The following METTL4 variants were observed in gnomAD, a reference collection of about 807,000 sequenced individuals.
METTL4 encodes methyltransferase 4, N6-adenosine, also known as N(6)-adenine-specific methyltransferase METTL4.
METTL4 carries 40 observed loss-of-function variants against 54.0 expected under a neutral mutation model. The observed-to-expected ratio is 0.74, with a 90% confidence interval of 0.58 to 0.96. METTL4 has a LOEUF of 0.96. METTL4 is among the 50% of genes least tolerant of loss of function. The probability of loss-of-function intolerance (pLI) is 0.00; values close to 1 mark genes in which losing one functional copy is unlikely to be tolerated. For missense variants in METTL4, 525 were observed against 549.0 expected (o/e 0.96, Z 0.44); for synonymous variants, 169 against 183.8 (o/e 0.92, Z 0.65).
At chr18:2,547,666 C>T (rs1567960599) in intron 5 of METTL4, 137 bp from the exon 6 acceptor site, 2 of 582,142 alleles carry the variant, frequency 3.4e-6, no homozygotes, top group South Asian at 8.1e-5. Flanking sequence ...AAATATAAAG[C>T]CACAGTGACA....
chr18:2,551,155 C>G (rs934560744), intron 5 of METTL4, among the ~76,000 whole-genome samples: 4 of 127,916 alleles, frequency 3.1e-5, no homozygotes, highest in African/African-American at 1.2e-4. Flanking sequence ...CAGAACGAGA[C>G]TCCGTCTCAA....
At chr18:2,557,087 AG>A (rs1229741922) in intron 3 of METTL4, among the ~76,000 whole-genome samples, 2 of 152,134 alleles carry the variant, frequency 1.3e-5, no homozygotes, top group African/African-American at 2.4e-5. Flanking sequence ...GGCCATAGAA[AG>A]GAAGAATCTG....
rs762058901 is a variant in METTL4 at position 2,554,731 on chromosome 18, A to G, written c.767T>C (p.Leu256Pro). 1.9e-6 allele frequency: 3 copies of G among 1,610,766 alleles called. No homozygotes were observed. In the South Asian group the frequency reaches 3.3e-5, roughly 18 times the overall value. Reference protein sequence around the residue: ...KVITLMGQKYLLPPKSSFLLS... With the variant: ...KVITLMGQKYPLPPKSSFLLS... The stretch of plus-strand genomic sequence containing the variant: ...AAGAAAACTGCTTTTCGGTGGTAGC[A>G]GGTATTTCTGTCCCATTAAAGTAAT... The change falls in exon 4 of 9, where the codon CTG becomes CCG. Residue 256 changes from leucine to proline, a missense_variant. Transcript: ENST00000574538.
intron 1 of METTL4, among the ~76,000 whole-genome samples, chr18:2,568,217 T>TA (rs1192188603): frequency 6.6e-6 from 1 of 152,270 alleles, no homozygotes; most frequent in African/African-American, 2.4e-5. Context: ...ACCGCCCCTG[T>TA]AGCCTTACTG....
At chr18:2,543,852 C>T (rs1199045649) in intron 8 of METTL4, among the ~76,000 whole-genome samples, 1 of 152,148 alleles carries the variant, frequency 6.6e-6, no homozygotes, top group Non-Finnish European at 1.5e-5. Context: ...TTAGAACAAG[C>T]AAGGGATACA....
In METTL4 at chr18:2,567,447, C is replaced by T. The variant is rs1384993232; in HGVS notation, c.-231G>A. On this transcript the variant is annotated 5_prime_UTR_variant, in exon 2 of 9. Transcript: ENST00000574538. ...ATTGCAATGTTTTAATATAAACTTTCTTTTTAATTTCAGAGTTGATAATTC... is the reference window on the plus strand; with the variant it reads ...ATTGCAATGTTTTAATATAAACTTTTTTTTTAATTTCAGAGTTGATAATTC... The T allele has an allele frequency of 3.0e-6, 1 of 338,654 alleles. No individual in the cohort carries two copies. The highest frequency in any genetic ancestry group is 5.2e-6 in the Non-Finnish European group (1 of 191,532). The allele number at this position is 338,654 out of a possible 1,614,324, so 21.0% of individuals were successfully genotyped here. A position where few individuals can be genotyped will look rare whatever the true frequency, so the allele number is the denominator to read the frequency against.
At chr18:2,546,406 C>CA (rs1027979116) in intron 6 of METTL4, among the ~76,000 whole-genome samples, 3 of 151,604 alleles carry the variant, frequency 2.0e-5, no homozygotes, top group Non-Finnish European at 4.4e-5. Flanking sequence ...TGTATGTATA[C>CA]AAAAAAAATT....
intron 8 of METTL4, chr18:2,540,348 T>C (rs549698047): frequency 1.0e-6 from 1 of 981,188 alleles, no homozygotes; most frequent in East Asian, 1.1e-4. Context: ...ATAATTGCTA[T>C]GTAAGATTGC....
At chr18:2,550,602 T>A (rs7235945) in intron 5 of METTL4, among the ~76,000 whole-genome samples, 154 of 152,330 alleles carry the variant, frequency 1.0e-3, no homozygotes, top group African/African-American at 3.6e-3. Context: ...TAAAACCAAC[T>A]GCAAGTTAAG....
chr18:2,552,863 C>T (rs2072183862), intron 4 of METTL4, 99 bp from the exon 5 acceptor site: 28 of 724,708 alleles, frequency 3.9e-5, no homozygotes, highest in Non-Finnish European at 5.0e-5. Context: ...ACTACGGACA[C>T]GAATATAATG....
chr18:2,550,804 A>T (rs1054853390), intron 5 of METTL4, among the ~76,000 whole-genome samples: 1 of 152,252 alleles, frequency 6.6e-6, no homozygotes, highest in East Asian at 1.9e-4. Flanking sequence ...ATTTGCTACA[A>T]AGGACATTCC....
At chr18:2,570,634 G>A (rs1418013923) in intron 1 of METTL4, among the ~76,000 whole-genome samples, 2 of 151,986 alleles carry the variant, frequency 1.3e-5, no homozygotes, top group Non-Finnish European at 2.9e-5. Context: ...ATAATCCTTG[G>A]TTCCTCCCCA....
intron 5 of METTL4, among the ~76,000 whole-genome samples, chr18:2,548,272 T>C (rs2072101991): frequency 6.6e-6 from 1 of 152,122 alleles, no homozygotes; most frequent in Non-Finnish European, 1.5e-5. Context: ...CTCAATCAAA[T>C]GAATATGGCC....
rs2072359155 is a variant in METTL4 at position 2,563,783 on chromosome 18, C to T, written c.459+14G>A. The T allele has an allele frequency of 6.3e-7, 1 of 1,575,248 alleles. No homozygotes were observed. Among genetic ancestry groups the T allele is most frequent in the East Asian group, 2.3e-5 (1 of 43,852 alleles). On this transcript the variant is annotated intron_variant, in intron 3 of 8. Coordinates refer to ENST00000574538, the MANE Select transcript of METTL4 (RefSeq NM_022840.5). ...TTAATCTTCCAATGTGATCAATGAACATTTTACACTTACCTTTGTATGGTA... is the reference window on the plus strand; with the variant it reads ...TTAATCTTCCAATGTGATCAATGAATATTTTACACTTACCTTTGTATGGTA...
intron 8 of METTL4, chr18:2,540,257 G>A (rs937754742): frequency 1.0e-6 from 1 of 984,510 alleles, no homozygotes; most frequent in African/African-American, 1.7e-5. Context: ...CATGCTGCTG[G>A]TTAGCTATGC....
rs151296793 is a variant in METTL4 at position 2,558,843 on chromosome 18, T to C, written c.460-3805A>G. On this transcript the variant is annotated intron_variant, in intron 3 of 8. Coordinates refer to ENST00000574538, the MANE Select transcript of METTL4 (RefSeq NM_022840.5). ...CAAACAGACATTTCTCTCAAGAAAA[T>C]ATACAAATGGCCAACAAGCACATAA... is the stretch of plus-strand genomic sequence containing the variant. Among the ~76,000 whole-genome samples the C allele has an allele frequency of 1.1e-4, 16 of 151,834 alleles. No individual in the cohort carries two copies. In the East Asian group the frequency reaches 3.1e-3, roughly 29 times the overall value.
intron 5 of METTL4, among the ~76,000 whole-genome samples, chr18:2,549,819 T>TAAAAAAA (rs397758263): frequency 0.013 from 1,040 of 79,012 alleles, 21 homozygotes; most frequent in Non-Finnish European, 0.017. Context: ...CCATCTCTAC[T>TAAAAAAA]AAAAAAAAAA....
chr18:2,551,461 G>A (rs1444399143), intron 5 of METTL4, among the ~76,000 whole-genome samples: 1 of 152,136 alleles, frequency 6.6e-6, no homozygotes, highest in African/African-American at 2.4e-5. Context: ...TCAGCACTAT[G>A]GAGGCTGAGG....
rs1313049250 is a variant in METTL4 at position 2,571,411 on chromosome 18, G to C, written c.-701C>G. 1 of 152,252 alleles carries C rather than the reference G, an allele frequency of 6.6e-6. No homozygotes were observed. The allele number at this position is 152,252 out of a possible 1,614,324, so 9.4% of individuals were successfully genotyped here. On this transcript the variant is annotated 5_prime_UTR_variant, in exon 1 of 9. Transcript: ENST00000574538. ...TTTAGGGGTCGTGCCAGTCTTCGTA[G>C]AGACGGCCACACTGGCCCACAGACC...
Sources: gnomAD v4.1 joint callset for allele counts (sites outside exome capture counted in the v4.1 genomes callset) on GRCh38, gnomAD v4.1.1 for gene constraint, MANE v1.5 for transcripts, NCBI Gene and HGNC (gene_info 2026-07-23, HGNC 2026-07-21) for gene names.